Variants in NCOA2 observed in about 807,000 individuals in gnomAD.
The protein encoded by NCOA2 is nuclear receptor coactivator 2.
In NCOA2, 21 loss-of-function variants were observed where a neutral mutation model predicts 145.1. The observed-to-expected ratio is 0.14, with a 90% CI of 0.10 to 0.21. NCOA2 has a LOEUF of 0.21. Ranked by LOEUF, NCOA2 falls within the 10% of genes least tolerant of loss-of-function variation. The pLI is 1.00. For missense variants in NCOA2, 1,472 were observed against 1,837.6 expected (o/e 0.80, Z 3.64); for synonymous variants, 619 against 637.5 (o/e 0.97, Z 0.44).
chr8:70,170,145 G>T lies in NCOA2; in HGVS notation c.541+57C>A. 3 of 1,504,160 alleles carry T rather than the reference G, an allele frequency of 2.0e-6. No homozygotes were observed. The Admixed American group carries it at 5.4e-5, about 27-fold the overall frequency. The allele number at this position is 1,504,160 out of a possible 1,614,324, so 93.2% of individuals were successfully genotyped here. On this transcript the variant is annotated intron_variant, in intron 6 of 22. Transcript: ENST00000452400. Reference sequence around the variant, plus strand: ...ACTTCAACCAAGACACTGTGTGTATGAGGCAGGGCAGGTGGGGGTGACGGG... The same window carrying T: ...ACTTCAACCAAGACACTGTGTGTATTAGGCAGGGCAGGTGGGGGTGACGGG...
chr8:70,267,465 C>G (rs2135213177), intron 2 of NCOA2, among the ~76,000 whole-genome samples: 1 of 147,026 alleles, frequency 6.8e-6, no homozygotes, highest in South Asian at 2.2e-4. Context: ...GTGACAATCA[C>G]AGCTCACCGC....
At chr8:70,224,436 G>A (rs952667798) in intron 2 of NCOA2, among the ~76,000 whole-genome samples, 2 of 152,158 alleles carry the variant, frequency 1.3e-5, no homozygotes, top group African/African-American at 4.8e-5. Context: ...GTAACTTTGA[G>A]TCTCAGTCTC....
intron 2 of NCOA2, among the ~76,000 whole-genome samples, chr8:70,258,971 A>T (rs1463721532): frequency 6.6e-6 from 1 of 152,194 alleles, no homozygotes; most frequent in Non-Finnish European, 1.5e-5. Flanking sequence ...TCTGTCCATC[A>T]AATATTCCCC....
chr8:70,432,302 AAGATTTT>A, the NCOA2 span, among the ~76,000 whole-genome samples: 2 of 152,244 alleles, frequency 1.3e-5, no homozygotes, highest in Non-Finnish European at 2.9e-5. Flanking sequence ...CTGCTCTACA[AAGATTTT>A]AGATGAGAGG....
intron 1 of NCOA2, among the ~76,000 whole-genome samples, chr8:70,371,712 C>T (rs1811235465): frequency 6.6e-6 from 1 of 152,138 alleles, no homozygotes; most frequent in South Asian, 2.1e-4. Context: ...ATGTACTACA[C>T]GTGGGCAAAC....
chr8:70,156,687 C>T lies in NCOA2; in HGVS notation c.1678G>A (p.Gly560Ser). ...SSLASPDLKM[G>S]NLQNSPVNMN... ...TTAACTGGGGAGTTTTGCAAATTGC[C>T]CATTTTTAGGTCTGGTGAAGCCAAC... The change falls in exon 11 of 23, where the codon GGC becomes AGC. Residue 560 changes from glycine to serine, a missense_variant. Coordinates refer to ENST00000452400, the MANE Select transcript of NCOA2 (RefSeq NM_006540.4). The T allele has an allele frequency of 6.2e-7, 1 of 1,613,928 alleles. No individual in the cohort carries two copies. The highest frequency in any genetic ancestry group is 1.3e-5 in the African/African-American group (1 of 75,012).
At chr8:70,327,928 C>A (rs1473348577) in intron 1 of NCOA2, among the ~76,000 whole-genome samples, 1 of 152,206 alleles carries the variant, frequency 6.6e-6, no homozygotes, top group African/African-American at 2.4e-5. Context: ...GCTCAACCCA[C>A]ATTTCCTGAT....
At chr8:70,125,480 CT>C (rs1269500920) in intron 19 of NCOA2, among the ~76,000 whole-genome samples, 4 of 152,096 alleles carry the variant, frequency 2.6e-5, no homozygotes, top group Non-Finnish European at 5.9e-5. Flanking sequence ...TCAGGCTGGT[CT>C]TGAACTCCTG....
intron 13 of NCOA2, among the ~76,000 whole-genome samples, chr8:70,144,140 G>C (rs1406364887): frequency 6.6e-6 from 1 of 152,226 alleles, no homozygotes; most frequent in African/African-American, 2.4e-5. Flanking sequence ...GGGAGCTGGG[G>C]ACCAGATCTG....
chr8:70,282,839 C>G (rs1025908530), intron 2 of NCOA2, among the ~76,000 whole-genome samples: 9 of 152,132 alleles, frequency 5.9e-5, no homozygotes, highest in African/African-American at 1.2e-4. Context: ...ACCCAAGTGA[C>G]AGGACCCACA....
intron 1 of NCOA2, among the ~76,000 whole-genome samples, chr8:70,319,998 A>G (rs1301935373): frequency 6.6e-6 from 1 of 152,216 alleles, no homozygotes; most frequent in Non-Finnish European, 1.5e-5. Flanking sequence ...TTCCATGAGC[A>G]ATTCAAACAT....
intron 4 of NCOA2, among the ~76,000 whole-genome samples, chr8:70,209,534 T>G (rs1275882732): frequency 6.6e-6 from 1 of 152,140 alleles, no homozygotes; most frequent in East Asian, 1.9e-4. Flanking sequence ...TATGACAAAC[T>G]TCACTGTTAT....
At chr8:70,134,844 G>A (rs1324925210) in intron 15 of NCOA2, among the ~76,000 whole-genome samples, 1 of 152,070 alleles carries the variant, frequency 6.6e-6, no homozygotes, top group Non-Finnish European at 1.5e-5. Context: ...GTCCCACTTT[G>A]GTCAAGGCCC....
At chr8:70,420,993 T>C in the NCOA2 span, among the ~76,000 whole-genome samples, 231 of 152,220 alleles carry the variant, frequency 1.5e-3, 1 homozygote, top group African/African-American at 5.4e-3. Context: ...AGGAGAAAGA[T>C]TGTAAGTACT....
intron 2 of NCOA2, among the ~76,000 whole-genome samples, chr8:70,249,721 G>C (rs1221422404): frequency 6.6e-6 from 1 of 152,040 alleles, no homozygotes; most frequent in East Asian, 1.9e-4. Flanking sequence ...CCAGCACTTT[G>C]GGAGGCCGAG....
chr8:70,214,740 G>GA (rs1364938130), intron 3 of NCOA2, among the ~76,000 whole-genome samples: 18 of 151,982 alleles, frequency 1.2e-4, no homozygotes, highest in African/African-American at 4.3e-4. Flanking sequence ...TAATGGAATG[G>GA]AAAAATATCA....
chr8:70,146,916 C>T (rs2131974186), intron 12 of NCOA2, among the ~76,000 whole-genome samples: 1 of 151,838 alleles, frequency 6.6e-6, no homozygotes, highest in East Asian at 2.0e-4. Flanking sequence ...GTCTTGAACT[C>T]CTGACCTCAG....
the NCOA2 span, among the ~76,000 whole-genome samples, chr8:70,448,130 T>C: frequency 2.0e-5 from 3 of 151,096 alleles, no homozygotes; most frequent in Non-Finnish European, 4.5e-5. Context: ...TAAAGTCTCC[T>C]GAACAAAGGG....
intron 1 of NCOA2, among the ~76,000 whole-genome samples, chr8:70,362,605 C>T (rs1401460321): frequency 1.3e-5 from 2 of 152,108 alleles, no homozygotes; most frequent in African/African-American, 4.8e-5. Flanking sequence ...TTACATATCC[C>T]ACTATACACC....
Sources: allele counts gnomAD v4.1 joint callset (sites outside exome capture counted in the v4.1 genomes callset), GRCh38; gene constraint gnomAD v4.1.1; transcripts MANE v1.5; gene names NCBI Gene and HGNC (gene_info 2026-07-23, HGNC 2026-07-21).